MYH9: variants seen among roughly 807,000 people sequenced by gnomAD.
The protein encoded by MYH9 is myosin-9.
MYH9 carries 29 observed loss-of-function variants against 241.9 expected under a neutral mutation model. The ratio of observed to expected loss-of-function variants is 0.12; its 90% CI spans 0.09 to 0.16. The LOEUF (loss-of-function observed/expected upper bound fraction) is 0.16. Ranked by LOEUF, MYH9 falls within the 10% of genes least tolerant of loss-of-function variation. MYH9 has a pLI of 1.00. For synonymous variants in MYH9, 1,047 were observed against 1,062.6 expected, an observed-to-expected ratio of 0.99 and a Z score of 0.29; for missense variants, 1,803 against 2,595.5, an observed-to-expected ratio of 0.69 and a Z score of 6.63.
At chr22:36,294,907 C>T in intron 27 of MYH9, 25 bp downstream of exon 27, 1 of 1,609,298 alleles carries the variant, frequency 6.2e-7, no homozygotes, top group Non-Finnish European at 8.5e-7. Context: ...TGCCCTCCCC[C>T]TGCGGTCTCA....
intron 5 of MYH9, among the ~76,000 whole-genome samples, chr22:36,323,140 G>C (rs16996668): frequency 0.069 from 10,528 of 152,228 alleles, 1,259 homozygotes; most frequent in African/African-American, 0.24. Flanking sequence ...AAATCCTACT[G>C]TGAACTCCAG....
At chr22:36,360,310 G>A (rs1603484280) in intron 1 of MYH9, among the ~76,000 whole-genome samples, 1 of 152,164 alleles carries the variant, frequency 6.6e-6, no homozygotes, top group Non-Finnish European at 1.5e-5. Context: ...GCAATTTGCA[G>A]AGGGAAGAGG....
chr22:36,301,840 TGACCC>T, intron 20 of MYH9, 175 bp from the exon 21 acceptor site: 1 of 764,782 alleles, frequency 1.3e-6, no homozygotes, highest in South Asian at 1.6e-5. Context: ...CACGGGCTTC[TGACCC>T]GCTAACTACA....
chr22:36,296,758 AC>A, intron 25 of MYH9, 84 bp downstream of exon 25: 1 of 1,413,678 alleles, frequency 7.1e-7, no homozygotes, highest in Non-Finnish European at 9.4e-7. Flanking sequence ...CTCACAGCTC[AC>A]TAGTGCCGAG....
At chr22:36,313,267 C>T (rs1413106149) in intron 13 of MYH9, among the ~76,000 whole-genome samples, 1 of 151,158 alleles carries the variant, frequency 6.6e-6, no homozygotes, top group Non-Finnish European at 1.5e-5. Flanking sequence ...ATTGAGACCA[C>T]GGTGAAACTC....
chr22:36,300,077 C>A lies in MYH9; in HGVS notation c.2976+50G>T. On this transcript the variant is annotated intron_variant, in intron 23 of 40. Coordinates refer to ENST00000216181, the MANE Select transcript of MYH9 (RefSeq NM_002473.6). The surrounding 1 kb of genome is among the most constrained non-coding windows in gnomAD (Gnocchi z 5.0). ...GCCCTGCAAGGGTGACCACACTCTC[C>A]CATCCACGGCGCCCCTGGAGCAGCG... 1 of 1,603,266 alleles carries A rather than the reference C, an allele frequency of 6.2e-7. No homozygotes were observed.
chr22:36,321,896 G>T, intron 6 of MYH9, 75 bp from the exon 7 acceptor site: 1 of 1,273,826 alleles, frequency 7.9e-7, no homozygotes, highest in Non-Finnish European at 1.1e-6. Flanking sequence ...GGAGACCACA[G>T]CCCCCCGCCC....
chr22:36,366,636 C>A (rs550576762), intron 1 of MYH9, among the ~76,000 whole-genome samples: 1 of 152,156 alleles, frequency 6.6e-6, no homozygotes, highest in Non-Finnish European at 1.5e-5. Flanking sequence ...AGCACAAGAA[C>A]GAAAGAGGAG....
At chr22:36,310,907 G>A (rs1447662193) in intron 14 of MYH9, among the ~76,000 whole-genome samples, 3 of 152,248 alleles carry the variant, frequency 2.0e-5, no homozygotes, top group South Asian at 2.1e-4. Flanking sequence ...GGTTAATGGT[G>A]TAAATCGCTT....
intron 4 of MYH9, 111 bp downstream of exon 4, chr22:36,327,350 A>G (rs2017352027): frequency 1.5e-6 from 2 of 1,301,926 alleles, no homozygotes; most frequent in Non-Finnish European, 2.2e-6. Flanking sequence ...AGGGGCCTTG[A>G]ATTGGGAATG....
At chr22:36,364,040 T>C (rs1677342850) in intron 1 of MYH9, among the ~76,000 whole-genome samples, 1 of 152,218 alleles carries the variant, frequency 6.6e-6, no homozygotes, top group South Asian at 2.1e-4. Flanking sequence ...GATGTAATTA[T>C]ACGGCCACCG....
intron 1 of MYH9, among the ~76,000 whole-genome samples, chr22:36,360,000 C>A (rs1158177989): frequency 6.7e-6 from 1 of 148,686 alleles, no homozygotes; most frequent in African/African-American, 2.4e-5. Flanking sequence ...CTGTTAGCAC[C>A]CCAATTTCCT....
chr22:36,348,841 GCCCCC>G, intron 2 of MYH9, 58 bp downstream of exon 2: 1 of 1,041,768 alleles, frequency 9.6e-7, no homozygotes. Context: ...GGGAAGACCC[GCCCCC>G]CCCCCCCACC....
chr22:36,348,938 T>G lies in MYH9; in HGVS notation c.299A>C (p.Asn100Thr), dbSNP rs920764409. The G allele has an allele frequency of 4.4e-6, 7 of 1,606,252 alleles. No individual in the cohort carries two copies. Among genetic ancestry groups the G allele is most frequent in the Non-Finnish European group, 6.0e-6 (7 of 1,176,336 alleles). Residue 100 changes from asparagine to threonine, a missense_variant, in exon 2 of 41, where the codon AAC becomes ACC. This residue lies in a region of MYH9 where 72 missense variants were observed against 134.3 expected (regional missense o/e 0.54). Transcript: ENST00000216181. The stretch of plus-strand genomic sequence containing the variant: ...CCCTGAGTAGTAACGCTCCTTGAGG[T>G]TGTGCAGCACCGAGGCTTCGTTGAG... ...TCLNEASVLH[N>T]LKERYYSGLI...
chr22:36,281,549 A>G lies in MYH9; in HGVS notation c.*1119T>C. ...TTCTTGCCGTAAGTCTCAATGCAGC[A>G]TATACAAAACAGTTAGGAATACAAG... On this transcript the variant is annotated 3_prime_UTR_variant, in exon 41 of 41. Transcript: ENST00000216181. 4.4e-6 allele frequency: 1 copy of G among 228,958 alleles called. No homozygotes were observed. Among genetic ancestry groups the G allele is most frequent in the Non-Finnish European group, 8.7e-6 (1 of 115,130 alleles). 14.2% of individuals were successfully genotyped at this position (228,958 alleles called of 1,614,324 possible). A position where few individuals can be genotyped will look rare whatever the true frequency, so the allele number is the denominator to read the frequency against.
At chr22:36,335,569 A>G (rs1397136308) in intron 3 of MYH9, among the ~76,000 whole-genome samples, 4 of 152,132 alleles carry the variant, frequency 2.6e-5, no homozygotes, top group African/African-American at 9.7e-5. Flanking sequence ...TCTGCCAAAC[A>G]TGGCACTTTT....
At position 36,371,509 on chromosome 22, in the gene MYH9, TC is replaced by T. The variant is rs1170273546; in HGVS notation, c.-20+16297del. 4.6e-5 allele frequency among the ~76,000 whole-genome samples: 7 copies of T among 152,296 alleles called. No homozygotes were observed. The South Asian group carries it at 1.5e-3, about 32-fold the overall frequency. On this transcript the variant is annotated intron_variant, in intron 1 of 40. Coordinates refer to ENST00000216181, the MANE Select transcript of MYH9 (RefSeq NM_002473.6). ...CTTAACCACACAATCTTGTACTTCATCATAGCAGCCTGAGCAATTTTTTTTT... is the reference window on the plus strand; with the variant it reads ...CTTAACCACACAATCTTGTACTTCATATAGCAGCCTGAGCAATTTTTTTTT...
chr22:36,326,397 C>T (rs894409407), intron 5 of MYH9, among the ~76,000 whole-genome samples, 171 bp downstream of exon 5: 1 of 152,230 alleles, frequency 6.6e-6, no homozygotes, highest in African/African-American at 2.4e-5. Flanking sequence ...TACCGCTGGA[C>T]CACTCCCAGG....
chr22:36,372,119 C>A (rs187150893), intron 1 of MYH9, among the ~76,000 whole-genome samples: 2 of 152,124 alleles, frequency 1.3e-5, no homozygotes, highest in African/African-American at 4.8e-5. Flanking sequence ...CCACACCCCA[C>A]TTCCTGTTGC....
Sources: allele counts gnomAD v4.1 joint callset (sites outside exome capture counted in the v4.1 genomes callset), GRCh38; gene constraint gnomAD v4.1.1; regional missense constraint gnomAD v4.1.1; non-coding constraint Gnocchi (gnomAD v3.1); transcripts MANE v1.5; gene names NCBI Gene and HGNC (gene_info 2026-07-23, HGNC 2026-07-21).